EYA4: variants seen among roughly 807,000 people sequenced by gnomAD.
The protein encoded by EYA4 is protein phosphatase EYA4.
Under a neutral mutation model 87.9 loss-of-function variants are expected in EYA4, and 31 were observed. The ratio of observed to expected loss-of-function variants is 0.35; its 90% CI spans 0.27 to 0.48. EYA4 has a LOEUF of 0.48. EYA4 is among the 20% of genes least tolerant of loss of function. The probability of loss-of-function intolerance (pLI) is 0.99; values close to 1 mark genes in which losing one functional copy is unlikely to be tolerated. For synonymous variants in EYA4, 263 were observed against 270.6 expected (o/e 0.97, Z 0.28); for missense variants, 678 against 761.4 (o/e 0.89, Z 1.29).
chr6:133,383,772 G>A (rs1786462055), intron 3 of EYA4, among the ~76,000 whole-genome samples: 1 of 151,980 alleles, frequency 6.6e-6, no homozygotes, highest in Non-Finnish European at 1.5e-5. Context: ...TGTGTAATTA[G>A]CTATCAAAAT....
intron 4 of EYA4, among the ~76,000 whole-genome samples, chr6:133,447,081 G>C (rs920991980): frequency 2.6e-5 from 4 of 152,080 alleles, no homozygotes; most frequent in Non-Finnish European, 4.4e-5. Context: ...CCTGGTATTA[G>C]CAAAAATGTC....
intron 9 of EYA4, 98 bp downstream of exon 9, chr6:133,462,862 T>A: frequency 1.7e-6 from 2 of 1,146,930 alleles, no homozygotes; most frequent in Non-Finnish European, 2.6e-6. Flanking sequence ...AAGGTAGTTT[T>A]AAGCTTTATC....
chr6:133,339,437 C>T (rs943638434), intron 2 of EYA4, among the ~76,000 whole-genome samples: 3 of 152,126 alleles, frequency 2.0e-5, no homozygotes, highest in Non-Finnish European at 2.9e-5. Flanking sequence ...AGAGGTAGTA[C>T]AGAGCCATTA....
At chr6:133,296,906 T>C (rs1449521457) in intron 2 of EYA4, among the ~76,000 whole-genome samples, 1 of 152,190 alleles carries the variant, frequency 6.6e-6, no homozygotes, top group African/African-American at 2.4e-5. Flanking sequence ...TCATTGAATC[T>C]ATCAACTAGC....
chr6:133,294,830 C>T (rs1306431712), intron 2 of EYA4, among the ~76,000 whole-genome samples: 1 of 152,140 alleles, frequency 6.6e-6, no homozygotes, highest in Non-Finnish European at 1.5e-5. Context: ...ATCCACCTGC[C>T]TCGGCCTCCC....
At chr6:133,506,395 A>T in intron 14 of EYA4, 200 bp downstream of exon 14, 1 of 482,124 alleles carries the variant, frequency 2.1e-6, no homozygotes, top group Non-Finnish European at 3.7e-6. Flanking sequence ...ACATATGTAG[A>T]ACAAAAATGT....
At chr6:133,254,908 T>C (rs1775217955) in intron 1 of EYA4, among the ~76,000 whole-genome samples, 1 of 152,198 alleles carries the variant, frequency 6.6e-6, no homozygotes, top group African/African-American at 2.4e-5. Context: ...TACCACTTTA[T>C]TTTTATTTGT....
At chr6:133,241,137 C>A (rs1384987465), upstream of EYA4, among the ~76,000 whole-genome samples, 1 of 152,044 alleles carries the variant, frequency 6.6e-6, no homozygotes, top group Non-Finnish European at 1.5e-5. Context: ...CACGCGAGAT[C>A]GCAAACCATG....
At chr6:133,247,575 T>A (rs3777781) in intron 1 of EYA4, 38,347 of 152,188 alleles carry the variant, frequency 0.25, 5,446 homozygotes, top group East Asian at 0.44. Context: ...ATCGCATGTG[T>A]AAGGTTTTCT....
intron 3 of EYA4, among the ~76,000 whole-genome samples, chr6:133,389,054 C>T (rs1787028061): frequency 6.6e-6 from 1 of 152,100 alleles, no homozygotes; most frequent in South Asian, 2.1e-4. Context: ...TTTCTCCTTT[C>T]CCCTCCCACC....
intron 2 of EYA4, among the ~76,000 whole-genome samples, chr6:133,307,970 T>C (rs1779935608): frequency 6.6e-6 from 1 of 152,050 alleles, no homozygotes; most frequent in Admixed American, 6.6e-5. Context: ...GCTGTTCTCA[T>C]GATAGAGGAT....
chr6:133,437,326 G>A (rs1791783447), intron 3 of EYA4, among the ~76,000 whole-genome samples: 1 of 152,134 alleles, frequency 6.6e-6, no homozygotes, highest in African/African-American at 2.4e-5. Flanking sequence ...ATTTCATGGT[G>A]TGAATAAAAT....
chr6:133,275,226 T>C (rs1257223681), intron 2 of EYA4, among the ~76,000 whole-genome samples: 1 of 152,220 alleles, frequency 6.6e-6, no homozygotes, highest in East Asian at 1.9e-4. Flanking sequence ...GAAACCATAG[T>C]TCTCAAGCGC....
At chr6:133,352,082 T>C (rs992514884) in intron 2 of EYA4, among the ~76,000 whole-genome samples, 1 of 152,206 alleles carries the variant, frequency 6.6e-6, no homozygotes, top group Non-Finnish European at 1.5e-5. Context: ...TGTTTTATTA[T>C]CACAGAAACC....
rs533023570 is a variant in EYA4, at chr6:133,311,808, A to G, written c.33+36995A>G. ...ATGTTCATTAAAACACTTGTGTCCA[A>G]CACCGGCACTGTGCTGAGTACTGGG... On this transcript the variant is annotated intron_variant, in intron 2 of 19. Coordinates refer to ENST00000355286, the MANE Select transcript of EYA4 (RefSeq NM_004100.5). 1.3e-3 allele frequency among the ~76,000 whole-genome samples: 194 copies of G among 152,292 alleles called. 1 individual carries two copies. Among genetic ancestry groups the G allele is most frequent in the African/African-American group, 4.3e-3 (178 of 41,562 alleles).
At chr6:133,269,089 T>G (rs1776470446) in intron 1 of EYA4, among the ~76,000 whole-genome samples, 1 of 152,116 alleles carries the variant, frequency 6.6e-6, no homozygotes, top group Admixed American at 6.5e-5. Context: ...TGAGACCCTG[T>G]CTCTACTAAA....
intron 3 of EYA4, among the ~76,000 whole-genome samples, chr6:133,424,408 G>T (rs1383442741): frequency 1.3e-5 from 2 of 152,148 alleles, no homozygotes; most frequent in Non-Finnish European, 2.9e-5. Context: ...GAATCAGTCT[G>T]CCTCCTACTG....
At chr6:133,421,414 TAATATAC>T (rs1790211088) in intron 3 of EYA4, among the ~76,000 whole-genome samples, 1 of 152,228 alleles carries the variant, frequency 6.6e-6, no homozygotes. Context: ...GGATAAGATT[TAATATAC>T]TGAGTTTGTG....
In EYA4 at chr6:133,489,150, A is replaced by G. The variant is rs568300093; in HGVS notation, c.1191+6035A>G. 2.3e-4 allele frequency among the ~76,000 whole-genome samples: 35 copies of G among 152,350 alleles called. No homozygotes were observed. The South Asian group carries it at 7.0e-3, about 31-fold the overall frequency. On this transcript the variant is annotated intron_variant, in intron 13 of 19. Coordinates refer to ENST00000355286, the MANE Select transcript of EYA4 (RefSeq NM_004100.5). The stretch of plus-strand genomic sequence containing the variant: ...AGTCTCTTAACAGCAGAATTGATAA[A>G]GCAGAAAAAAGAATTAGTGAGCTTG...
Sources: gnomAD v4.1 joint callset for allele counts (sites outside exome capture counted in the v4.1 genomes callset) on GRCh38, gnomAD v4.1.1 for gene constraint, MANE v1.5 for transcripts, NCBI Gene and HGNC (gene_info 2026-07-23, HGNC 2026-07-21) for gene names.